The following CDH4 variants were observed in gnomAD, a reference collection of about 807,000 sequenced individuals.
CDH4 encodes the protein cadherin 4, also known as cadherin-4.
Under a neutral mutation model 86.0 loss-of-function variants are expected in CDH4, and 33 were observed. That is an observed-to-expected ratio of 0.38 (90% CI 0.29 to 0.51). The LOEUF (loss-of-function observed/expected upper bound fraction) is 0.51, where lower values mean the gene tolerates loss of function less well. Among genes scored for constraint, CDH4 ranks in the 20% least tolerant of loss-of-function variants. CDH4 has a pLI of 0.86. For synonymous variants in CDH4, 555 were observed against 549.4 expected (o/e 1.01, Z -0.14); for missense variants, 1,114 against 1,307.4 (o/e 0.85, Z 2.28).
chr20:61,700,662 C>T (rs1351742786), intron 2 of CDH4, among the ~76,000 whole-genome samples: 1 of 151,734 alleles, frequency 6.6e-6, no homozygotes, highest in African/African-American at 2.4e-5. Context: ...ACTGTGGGGC[C>T]ACACGTCACC....
intron 2 of CDH4, among the ~76,000 whole-genome samples, chr20:61,526,714 G>T (rs1247675667): frequency 7.1e-6 from 1 of 141,390 alleles, no homozygotes; most frequent in African/African-American, 2.7e-5. Flanking sequence ...TTTCATGATT[G>T]TTGGATATGA....
intron 2 of CDH4, among the ~76,000 whole-genome samples, chr20:61,686,476 TGTGC>T (rs200207434): frequency 0.011 from 1,686 of 151,438 alleles, 30 homozygotes; most frequent in African/African-American, 0.038. Context: ...TGCGTGTATA[TGTGC>T]GTGTGTGTGC....
rs184709196 is a variant in CDH4, at chr20:61,663,027, A to T, written c.170-80536A>T. 1.5e-3 allele frequency among the ~76,000 whole-genome samples: 231 copies of T among 152,254 alleles called. No individual in the cohort carries two copies. Among genetic ancestry groups the T allele is most frequent in the South Asian group, 3.1e-3 (15 of 4,808 alleles). On this transcript the variant is annotated intron_variant, in intron 2 of 15. Transcript: ENST00000614565. The surrounding 1 kb of genome is among the most constrained non-coding windows in gnomAD (Gnocchi z 5.0). ...GCACTGGCACAGCGGCCCGGGGTAG[A>T]ACCCATGGCCCTGACTCACCTCCCC...
At chr20:61,862,908 TG>T (rs2030557609) in intron 6 of CDH4, among the ~76,000 whole-genome samples, 1 of 152,202 alleles carries the variant, frequency 6.6e-6, no homozygotes, top group African/African-American at 2.4e-5. Flanking sequence ...ACCGAGTTTT[TG>T]CTTAAACAGA....
In CDH4 at chr20:61,936,799, C is replaced by T; in HGVS notation, c.2607C>T (p.Asp869=). The stretch of plus-strand genomic sequence containing the variant: ...CCTATGACTCCCTGCTGGTCTTCGA[C>T]TACGAGGGGAGCGGCTCCACCGCAG... ...APPYDSLLVF[D]YEGSGSTAGS... The change falls in exon 16 of 16, where the codon GAC becomes GAT. Residue 869 remains aspartate (D), a synonymous_variant. Coordinates refer to ENST00000614565, the MANE Select transcript of CDH4 (RefSeq NM_001794.5). 1 of 1,610,980 alleles carries T rather than the reference C, an allele frequency of 6.2e-7. No individual in the cohort carries two copies. The highest frequency in any genetic ancestry group is 8.5e-7 in the Non-Finnish European group (1 of 1,179,224).
At chr20:61,537,438 G>A (rs1487321178) in intron 2 of CDH4, among the ~76,000 whole-genome samples, 1 of 152,174 alleles carries the variant, frequency 6.6e-6, no homozygotes, top group Non-Finnish European at 1.5e-5. Flanking sequence ...GGTCATCAGG[G>A]AGGCCCAGGC....
chr20:61,633,164 A>G (rs978607076), intron 2 of CDH4, among the ~76,000 whole-genome samples: 3 of 147,288 alleles, frequency 2.0e-5, no homozygotes, highest in African/African-American at 7.6e-5. Context: ...CCATTCATCC[A>G]CCCATCCATC....
At chr20:61,546,209 C>T (rs538082200) in intron 2 of CDH4, among the ~76,000 whole-genome samples, 6 of 60,470 alleles carry the variant, frequency 9.9e-5, no homozygotes, top group African/African-American at 4.0e-4. Flanking sequence ...CACATTCGTG[C>T]GTGTGTGTGG....
At chr20:61,794,195 C>G (rs1979397493) in intron 4 of CDH4, among the ~76,000 whole-genome samples, 1 of 151,566 alleles carries the variant, frequency 6.6e-6, no homozygotes, top group African/African-American at 2.4e-5. Context: ...CTCACCCTGG[C>G]AGCTCAGGAG....
rs901789568 is a variant in CDH4 at position 61,358,793 on chromosome 20, G to A, written c.169+103856G>A. Among the ~76,000 whole-genome samples, 8 of 152,160 alleles carry A rather than the reference G, an allele frequency of 5.3e-5. No homozygotes were observed. In the South Asian group the frequency reaches 1.0e-3, roughly 20 times the overall value. ...AGTAATTCCCACCCAGGGAACAGTC[G>A]CTTTAATGCGGGGGGGAAGGAGAGG... On this transcript the variant is annotated intron_variant, in intron 2 of 15. Coordinates refer to ENST00000614565, the MANE Select transcript of CDH4 (RefSeq NM_001794.5).
rs148341290 is a variant in CDH4, at chr20:61,483,471, G to T, written c.169+228534G>T. ...AAGAATTCATCCCATGTCTGTGCAC[G>T]CCCATTGAGCATGAAATTGACTCCT... On this transcript the variant is annotated intron_variant, in intron 2 of 15. Coordinates refer to ENST00000614565, the MANE Select transcript of CDH4 (RefSeq NM_001794.5). Among the ~76,000 whole-genome samples, 680 of 152,242 alleles carry T rather than the reference G, an allele frequency of 4.5e-3. 1 individual carries two copies. The highest frequency in any genetic ancestry group is 0.013 in the African/African-American group (530 of 41,542).
intron 4 of CDH4, among the ~76,000 whole-genome samples, chr20:61,837,817 T>TCTCCTC (rs1288612608): frequency 1.6e-4 from 24 of 151,758 alleles, no homozygotes; most frequent in Non-Finnish European, 2.9e-5. Flanking sequence ...GAGCCTTCCT[T>TCTCCTC]CTCCTCCTCC....
At chr20:61,528,045 T>C (rs1172181192) in intron 2 of CDH4, among the ~76,000 whole-genome samples, 1 of 151,982 alleles carries the variant, frequency 6.6e-6, no homozygotes, top group East Asian at 1.9e-4. Flanking sequence ...TCTTAAAGGA[T>C]TTACTGATTA....
intron 2 of CDH4, among the ~76,000 whole-genome samples, chr20:61,741,727 G>A (rs571223166): frequency 6.6e-5 from 10 of 152,094 alleles, no homozygotes; most frequent in East Asian, 1.9e-4. Flanking sequence ...CCCTGACCTC[G>A]TGATCCACCC....
chr20:61,286,250 G>A lies in CDH4; in HGVS notation c.169+31313G>A, dbSNP rs117543833. ...CTTGATTAGCTGGACAGGAGGCAGT[G>A]CAGGGTGAGAGCCTTCTGTTCAAAG... On this transcript the variant is annotated intron_variant, in intron 2 of 15. Coordinates refer to ENST00000614565, the MANE Select transcript of CDH4 (RefSeq NM_001794.5). Among the ~76,000 whole-genome samples, 1,372 of 152,386 alleles carry A rather than the reference G, an allele frequency of 9.0e-3. 11 individuals are homozygous for A. The highest frequency in any genetic ancestry group is 0.013 in the Non-Finnish European group (911 of 68,040).
chr20:61,264,941 G>T (rs1357430209), intron 2 of CDH4, among the ~76,000 whole-genome samples: 1 of 110,556 alleles, frequency 9.0e-6, no homozygotes, highest in African/African-American at 3.6e-5. Flanking sequence ...CCTTCATTCA[G>T]TCCTACACAT....
chr20:61,633,100 A>G lies in CDH4; in HGVS notation c.170-110463A>G, dbSNP rs189342719. ...TATCCATCTATCTGTTCATCTATCC[A>G]TCCATCCATCCGTCCATTCACCCAC... On this transcript the variant is annotated intron_variant, in intron 2 of 15. Transcript: ENST00000614565. Among the ~76,000 whole-genome samples, 407 of 149,280 alleles carry G rather than the reference A, an allele frequency of 2.7e-3. 13 individuals are homozygous for G. Among genetic ancestry groups the G allele is most frequent in the Admixed American group, 0.022 (338 of 15,026 alleles).
At chr20:61,882,680 T>C (rs894038562) in intron 7 of CDH4, among the ~76,000 whole-genome samples, 1 of 152,196 alleles carries the variant, frequency 6.6e-6, no homozygotes, top group Non-Finnish European at 1.5e-5. Context: ...AGAGAAATAC[T>C]TCCTCTAGGT....
chr20:61,499,531 T>C (rs778978738), intron 2 of CDH4: 1 of 1,288,146 alleles, frequency 7.8e-7, no homozygotes, highest in Non-Finnish European at 1.0e-6. Flanking sequence ...GGGTTGTTTG[T>C]GGGCCACTTC....
Sources: allele counts gnomAD v4.1 joint callset (sites outside exome capture counted in the v4.1 genomes callset), GRCh38; gene constraint gnomAD v4.1.1; non-coding constraint Gnocchi (gnomAD v3.1); transcripts MANE v1.5; gene names NCBI Gene and HGNC (gene_info 2026-07-23, HGNC 2026-07-21).